The following FERMT2 variants were observed in gnomAD, a reference collection of about 807,000 sequenced individuals.
FERMT2 encodes the protein FERM domain containing kindlin 2, also known as fermitin family homolog 2.
In FERMT2, 15 loss-of-function variants were observed where a neutral mutation model predicts 82.7. The observed-to-expected ratio is 0.18, with a 90% CI of 0.12 to 0.28. The LOEUF (loss-of-function observed/expected upper bound fraction) is 0.28, where lower values mean the gene tolerates loss of function less well. Among genes scored for constraint, FERMT2 ranks in the 10% least tolerant of loss-of-function variants. The pLI is 1.00. For missense variants in FERMT2, 645 were observed against 809.4 expected, an observed-to-expected ratio of 0.80 and a Z score of 2.46; for synonymous variants, 274 against 271.5, an observed-to-expected ratio of 1.01 and a Z score of -0.09.
rs1181880991 is a variant in FERMT2, at chr14:52,874,245, C to T, written c.1099-19G>A. On this transcript the variant is annotated intron_variant, in intron 8 of 14. Transcript: ENST00000341590. The stretch of plus-strand genomic sequence containing the variant: ...TGTCACCCTAGGAGAGAGTTAAATC[C>T]TTTTTTAATTTTTTTAATATTTGAA... 1.3e-6 allele frequency: 2 copies of T among 1,534,358 alleles called. No homozygotes were observed. Among genetic ancestry groups the T allele is most frequent in the South Asian group, 1.3e-5 (1 of 79,040 alleles).
chr14:52,936,944 C>A (rs540270399), intron 2 of FERMT2, among the ~76,000 whole-genome samples: 69 of 151,992 alleles, frequency 4.5e-4, no homozygotes, highest in African/African-American at 1.6e-3. Context: ...CACCTGAGGT[C>A]AGGAGTTGGA....
chr14:52,940,460 C>T (rs992126876), intron 2 of FERMT2, among the ~76,000 whole-genome samples: 1 of 152,076 alleles, frequency 6.6e-6, no homozygotes, highest in Non-Finnish European at 1.5e-5. Flanking sequence ...ATTAATTATT[C>T]ATAATATTCT....
Position 52,864,841 on chromosome 14 carries a change from G to A in FERMT2, c.1286C>T (p.Thr429Ile), listed in dbSNP as rs1441761617. 2 of 1,602,692 alleles carry A rather than the reference G, an allele frequency of 1.2e-6. No homozygotes were observed. The highest frequency in any genetic ancestry group is 1.1e-5 in the South Asian group (1 of 90,262). Residue 429 changes from threonine to isoleucine, a missense_variant, in exon 11 of 15, where the codon ACC becomes ATC. Physicochemically the swap from Thr to Ile is moderately conservative, Grantham distance 89. Coordinates refer to ENST00000341590, the MANE Select transcript of FERMT2 (RefSeq NM_006832.3). ...TTGGCCTGAAATGTTTACATCTGGG[G>A]TAACTTCACATCCTGTAACAAAAAA... ...HQMNLRGCEVTPDVNISGQKF... is the reference protein window; with the variant it reads ...HQMNLRGCEVIPDVNISGQKF...
chr14:52,919,009 C>A, intron 3 of FERMT2, 114 bp downstream of exon 3: 1 of 632,932 alleles, frequency 1.6e-6, no homozygotes, highest in Non-Finnish European at 2.7e-6. Flanking sequence ...CACACACATA[C>A]ATATATACAG....
chr14:52,869,180 T>A (rs987023510), intron 10 of FERMT2, among the ~76,000 whole-genome samples: 1 of 152,018 alleles, frequency 6.6e-6, no homozygotes, highest in Non-Finnish European at 1.5e-5. Flanking sequence ...CAACAAAGAA[T>A]GACAGAGACC....
intron 3 of FERMT2, among the ~76,000 whole-genome samples, chr14:52,917,374 G>GA (rs1322222903): frequency 1.3e-5 from 2 of 151,916 alleles, no homozygotes; most frequent in African/African-American, 4.8e-5. Flanking sequence ...GGGAAGTTAG[G>GA]ATAATGAGAC....
chr14:52,863,066 G>A (rs995668235), intron 12 of FERMT2: 1 of 65,828 alleles, frequency 1.5e-5, no homozygotes, highest in South Asian at 5.7e-4. Flanking sequence ...AAAAAACTAC[G>A]AATGAAAAAT....
At chr14:52,874,287 G>T in intron 8 of FERMT2, 61 bp from the exon 9 acceptor site, 3 of 1,014,126 alleles carry the variant, frequency 3.0e-6, no homozygotes, top group South Asian at 3.5e-5. Flanking sequence ...TCTAATGTTT[G>T]GTATCTGATA....
chr14:52,902,096 T>C (rs1326930627), intron 3 of FERMT2, among the ~76,000 whole-genome samples: 3 of 151,070 alleles, frequency 2.0e-5, no homozygotes, highest in African/African-American at 7.3e-5. Flanking sequence ...CAGGATAATA[T>C]AAAAAACAAT....
chr14:52,901,212 C>T lies in FERMT2; in HGVS notation c.392-7785G>A, dbSNP rs575730122. On this transcript the variant is annotated intron_variant, in intron 3 of 14. Coordinates refer to ENST00000341590, the MANE Select transcript of FERMT2 (RefSeq NM_006832.3). Reference sequence around the variant, plus strand: ...AGGAGAATGGCTTGAACCCGGGAGGCGGAGCTTGCAGTGAGCCGAGATCGC... The same window carrying T: ...AGGAGAATGGCTTGAACCCGGGAGGTGGAGCTTGCAGTGAGCCGAGATCGC... Among the ~76,000 whole-genome samples, 216 of 132,634 alleles carry T rather than the reference C, an allele frequency of 1.6e-3. 1 individual carries two copies. The highest frequency in any genetic ancestry group is 2.7e-3 in the Non-Finnish European group (172 of 64,886). The allele number at this position is 132,634 out of a possible 152,430, so 87.0% of individuals were successfully genotyped here.
At chr14:52,911,309 A>G (rs1049465055) in intron 3 of FERMT2, among the ~76,000 whole-genome samples, 1 of 152,170 alleles carries the variant, frequency 6.6e-6, no homozygotes, top group African/African-American at 2.4e-5. Context: ...TTTCTTAACC[A>G]TTAAAAAAAT....
Position 52,902,639 on chromosome 14 carries a change from C to T in FERMT2, c.392-9212G>A, listed in dbSNP as rs141679921. Among the ~76,000 whole-genome samples the T allele has an allele frequency of 5.9e-4, 89 of 150,774 alleles. No individual in the cohort carries two copies. The East Asian group carries it at 0.017, about 28-fold the overall frequency. ...ATCCCAGCACTTTGGGAGGCCGAGG[C>T]GGGTGGATTACCCAAAGTCAGGAAT... is the stretch of plus-strand genomic sequence containing the variant. On this transcript the variant is annotated intron_variant, in intron 3 of 14. Coordinates refer to ENST00000341590, the MANE Select transcript of FERMT2 (RefSeq NM_006832.3).
intron 3 of FERMT2, among the ~76,000 whole-genome samples, chr14:52,893,734 G>T (rs1887088552): frequency 6.6e-6 from 1 of 151,860 alleles, no homozygotes; most frequent in South Asian, 2.1e-4. Context: ...GAAAAATTGA[G>T]TTTATATGTC....
At chr14:52,907,264 C>T (rs1888069087) in intron 3 of FERMT2, among the ~76,000 whole-genome samples, 1 of 152,066 alleles carries the variant, frequency 6.6e-6, no homozygotes, top group Admixed American at 6.6e-5. Context: ...CTTTGGCCTC[C>T]CAAAGTGCTG....
rs543439105 is a variant in FERMT2, at chr14:52,911,480, T to C, written c.391+7643A>G. Among the ~76,000 whole-genome samples, 6 of 151,858 alleles carry C rather than the reference T, an allele frequency of 4.0e-5. No homozygotes were observed. The East Asian group carries it at 1.2e-3, about 29-fold the overall frequency. On this transcript the variant is annotated intron_variant, in intron 3 of 14. Transcript: ENST00000341590. ...TCCTGGCTAACATGGTGAAAACCCG[T>C]CTCTACTAAATAAACAAAAAATTAG...
intron 2 of FERMT2, 149 bp downstream of exon 2, chr14:52,950,263 G>C (rs1260165362): frequency 1.3e-6 from 1 of 762,500 alleles, no homozygotes; most frequent in Non-Finnish European, 2.2e-6. Flanking sequence ...AGGTCTATCT[G>C]CTTAAATACT....
chr14:52,937,137 G>C (rs1185406595), intron 2 of FERMT2, among the ~76,000 whole-genome samples: 2 of 151,872 alleles, frequency 1.3e-5, no homozygotes, highest in Admixed American at 6.6e-5. Flanking sequence ...ACTCTAACCT[G>C]GGCAACAAAG....
chr14:52,922,701 G>T (rs1190338904), intron 2 of FERMT2, among the ~76,000 whole-genome samples: 1 of 152,182 alleles, frequency 6.6e-6, no homozygotes, highest in African/African-American at 2.4e-5. Flanking sequence ...ATAATGTGAG[G>T]TATGAAAAGG....
intron 12 of FERMT2, chr14:52,861,191 C>T: frequency 1.7e-6 from 1 of 590,112 alleles, no homozygotes; most frequent in Non-Finnish European, 3.0e-6. Context: ...AGAAACCAAG[C>T]AAAGTAAATG....
Sources: allele counts gnomAD v4.1 joint callset (sites outside exome capture counted in the v4.1 genomes callset), GRCh38; gene constraint gnomAD v4.1.1; transcripts MANE v1.5; gene names NCBI Gene and HGNC (gene_info 2026-07-23, HGNC 2026-07-21).